Variants in CCDC85C observed in about 807,000 individuals in gnomAD.
The protein encoded by CCDC85C is coiled-coil domain containing 85C, also known as coiled-coil domain-containing protein 85C.
CCDC85C carries 18 observed loss-of-function variants against 38.3 expected under a neutral mutation model. The observed-to-expected ratio is 0.47, with a 90% CI of 0.33 to 0.70. CCDC85C has a LOEUF of 0.70. CCDC85C is among the 30% of genes least tolerant of loss of function. CCDC85C has a pLI of 0.03. For synonymous variants in CCDC85C, 264 were observed against 293.8 expected, an observed-to-expected ratio of 0.90 and a Z score of 1.04; for missense variants, 566 against 621.2, an observed-to-expected ratio of 0.91 and a Z score of 0.94.
chr14:99,523,344 G>A (rs1317542201), intron 2 of CCDC85C, among the ~76,000 whole-genome samples: 2 of 152,096 alleles, frequency 1.3e-5, no homozygotes, highest in Non-Finnish European at 2.9e-5. Flanking sequence ...ACCTGGCCCC[G>A]CACTTCTCAC....
intron 1 of CCDC85C, among the ~76,000 whole-genome samples, chr14:99,580,421 G>A (rs539512216): frequency 6.8e-6 from 1 of 146,412 alleles, no homozygotes; most frequent in East Asian, 2.1e-4. Flanking sequence ...GCAAGCAGAG[G>A]GCGGCATCTC....
Position 99,545,071 on chromosome 14 carries a change from TG to T in CCDC85C, c.794-8984del, listed in dbSNP as rs1897782182. ...GCTAGAGAAGAGGAAAACGAACGGCTGCCCTAATGAGAATGAAATCTCCTGG... is the reference window on the plus strand; with the variant it reads ...GCTAGAGAAGAGGAAAACGAACGGCTCCCTAATGAGAATGAAATCTCCTGG... On this transcript the variant is annotated intron_variant, in intron 1 of 5. Coordinates refer to ENST00000380243, the MANE Select transcript of CCDC85C (RefSeq NM_001144995.2). This position sits in a 1 kb window ranked among gnomAD's most constrained non-coding sequence, Gnocchi z 4.7. 6.6e-6 allele frequency among the ~76,000 whole-genome samples: 1 copy of T among 152,224 alleles called. No homozygotes were observed. Among genetic ancestry groups the T allele is most frequent in the Non-Finnish European group, 1.5e-5 (1 of 68,042 alleles).
chr14:99,507,023 C>G lies in CCDC85C; in HGVS notation c.*8223G>C, dbSNP rs372327731. ...CCAGTACATTTTTCTTTATGACATGCTTATTCATGTGAAGAAGTATGAGTG... is the reference window on the plus strand; with the variant it reads ...CCAGTACATTTTTCTTTATGACATGGTTATTCATGTGAAGAAGTATGAGTG... On this transcript the variant is annotated 3_prime_UTR_variant, in exon 6 of 6. Transcript: ENST00000380243. The G allele has an allele frequency of 8.6e-6, 9 of 1,042,542 alleles. No homozygotes were observed. In the African/African-American group the frequency reaches 1.4e-4, roughly 16 times the overall value. 64.6% of individuals were successfully genotyped at this position (1,042,542 alleles called of 1,614,324 possible).
chr14:99,601,269 G>T (rs1459166773), intron 1 of CCDC85C, among the ~76,000 whole-genome samples: 2 of 152,188 alleles, frequency 1.3e-5, no homozygotes, highest in Non-Finnish European at 2.9e-5. Flanking sequence ...TGCTAAGTGG[G>T]CTTGGGGGAG....
intron 2 of CCDC85C, among the ~76,000 whole-genome samples, chr14:99,531,382 C>G (rs770187458): frequency 7.2e-5 from 11 of 152,100 alleles, no homozygotes; most frequent in Non-Finnish European, 1.3e-4. Flanking sequence ...CCCAGCCCGG[C>G]TGGGCACAGA....
rs961670997 is a variant in CCDC85C at position 99,503,139 on chromosome 14, G to T, written c.*12107C>A. 1.2e-6 allele frequency: 1 copy of T among 864,966 alleles called. No homozygotes were observed. The highest frequency in any genetic ancestry group is 1.9e-6 in the Non-Finnish European group (1 of 525,990). 53.6% of individuals were successfully genotyped at this position (864,966 alleles called of 1,614,324 possible). ...CCGACTGCTTGTCGGTGGGGAGCCT[G>T]AAAACAAAGGTGCTCCAAGGACAGG... On this transcript the variant is annotated 3_prime_UTR_variant, in exon 6 of 6. Transcript: ENST00000380243.
chr14:99,507,182 C>T lies in CCDC85C; in HGVS notation c.*8064G>A, dbSNP rs756679096. On this transcript the variant is annotated 3_prime_UTR_variant, in exon 6 of 6. Coordinates refer to ENST00000380243, the MANE Select transcript of CCDC85C (RefSeq NM_001144995.2). Reference sequence around the variant, plus strand: ...TGCTGAAGCAGCTTGGCCAGCTGTGCACATCGCCTCTGAATGTTGGACGCA... The same window carrying T: ...TGCTGAAGCAGCTTGGCCAGCTGTGTACATCGCCTCTGAATGTTGGACGCA... The T allele has an allele frequency of 1.6e-6, 2 of 1,270,254 alleles. No homozygotes were observed. The highest frequency in any genetic ancestry group is 2.3e-6 in the Non-Finnish European group (2 of 867,320). The allele number at this position is 1,270,254 out of a possible 1,614,324, so 78.7% of individuals were successfully genotyped here.
chr14:99,552,955 G>T (rs1315405727), intron 1 of CCDC85C, among the ~76,000 whole-genome samples: 2 of 152,194 alleles, frequency 1.3e-5, no homozygotes, highest in African/African-American at 4.8e-5. Context: ...CAGGGACTTG[G>T]TTACCCCAGG....
At chr14:99,527,028 A>G (rs1339608318) in intron 2 of CCDC85C, among the ~76,000 whole-genome samples, 1 of 152,082 alleles carries the variant, frequency 6.6e-6, no homozygotes, top group African/African-American at 2.4e-5. Context: ...GGGAGGATGC[A>G]GGACAGGGCA....
In CCDC85C at chr14:99,504,531, A is replaced by G. The variant is rs1226558005; in HGVS notation, c.*10715T>C. On this transcript the variant is annotated 3_prime_UTR_variant, in exon 6 of 6. Transcript: ENST00000380243. ...AGCGGTGCAATCTTAACTCACCACA[A>G]CCTCCGCCTCCTGGGTTCAAGCAAT... 1 of 150,188 alleles carries G rather than the reference A, an allele frequency of 6.7e-6. No homozygotes were observed. The highest frequency in any genetic ancestry group is 1.5e-5 in the Non-Finnish European group (1 of 67,686). 9.3% of individuals were successfully genotyped at this position (150,188 alleles called of 1,614,324 possible).
chr14:99,583,973 C>A (rs928561896), intron 1 of CCDC85C, among the ~76,000 whole-genome samples: 5 of 151,930 alleles, frequency 3.3e-5, no homozygotes, highest in African/African-American at 1.2e-4. Flanking sequence ...CCTGGCTTTG[C>A]TAATGTGCTC....
chr14:99,581,477 A>G (rs946083379), intron 1 of CCDC85C, among the ~76,000 whole-genome samples: 1 of 152,110 alleles, frequency 6.6e-6, no homozygotes, highest in Non-Finnish European at 1.5e-5. Flanking sequence ...CCCCCCACCC[A>G]TGGTCACTCA....
rs375335734 is a variant in CCDC85C, at chr14:99,600,313, C to G, written c.793+2854G>C. The stretch of plus-strand genomic sequence containing the variant: ...CTGTCCATCTTACAGAAGAGGAGCA[C>G]AGAGAGGCTTGGCCAGTTAATAACT... On this transcript the variant is annotated intron_variant, in intron 1 of 5. Coordinates refer to ENST00000380243, the MANE Select transcript of CCDC85C (RefSeq NM_001144995.2). Among the ~76,000 whole-genome samples, 6 of 152,298 alleles carry G rather than the reference C, an allele frequency of 3.9e-5. No homozygotes were observed. The South Asian group carries it at 6.2e-4, about 16-fold the overall frequency.
rs1416720066 is a variant in CCDC85C at position 99,520,720 on chromosome 14, C to T, written c.975+1413G>A. On this transcript the variant is annotated intron_variant, in intron 3 of 5. Coordinates refer to ENST00000380243, the MANE Select transcript of CCDC85C (RefSeq NM_001144995.2). This position sits in a 1 kb window ranked among gnomAD's most constrained non-coding sequence, Gnocchi z 4.1. ...CGCTGGCCCCTGACCTCTAGGCACACACAGGCACCAGGACGCACTCACCAT... is the reference window on the plus strand; with the variant it reads ...CGCTGGCCCCTGACCTCTAGGCACATACAGGCACCAGGACGCACTCACCAT... Among the ~76,000 whole-genome samples, 7 of 152,182 alleles carry T rather than the reference C, an allele frequency of 4.6e-5. No homozygotes were observed. The highest frequency in any genetic ancestry group is 2.1e-4 in the South Asian group (1 of 4,830).
chr14:99,537,501 A>C (rs1266037652), intron 1 of CCDC85C, among the ~76,000 whole-genome samples: 1 of 152,144 alleles, frequency 6.6e-6, no homozygotes, highest in East Asian at 1.9e-4. Flanking sequence ...CCTAGGGCCC[A>C]GCAGAGCCAC....
intron 1 of CCDC85C, among the ~76,000 whole-genome samples, chr14:99,551,664 A>T (rs1234259266): frequency 7.1e-6 from 1 of 140,636 alleles, no homozygotes; most frequent in Non-Finnish European, 1.5e-5. Flanking sequence ...GGTGGGTGAG[A>T]GGTGGGTGTG....
chr14:99,565,727 C>A (rs1898203479), intron 1 of CCDC85C, among the ~76,000 whole-genome samples: 1 of 152,204 alleles, frequency 6.6e-6, no homozygotes, highest in Non-Finnish European at 1.5e-5. Context: ...CCTAATAACT[C>A]ATTGTCTGGC....
At chr14:99,560,991 G>T (rs548675419) in intron 1 of CCDC85C, among the ~76,000 whole-genome samples, 1 of 152,218 alleles carries the variant, frequency 6.6e-6, no homozygotes, top group Non-Finnish European at 1.5e-5. Flanking sequence ...AGCCTGGGCC[G>T]GGCCACAGGA....
Position 99,502,050 on chromosome 14 carries a change from T to C in CCDC85C, c.*13196A>G, listed in dbSNP as rs368963004. 1 of 777,328 alleles carries C rather than the reference T, an allele frequency of 1.3e-6. No individual in the cohort carries two copies. Among genetic ancestry groups the C allele is most frequent in the African/African-American group, 1.9e-5 (1 of 52,190 alleles). 48.2% of individuals were successfully genotyped at this position (777,328 alleles called of 1,614,324 possible). A position where few individuals can be genotyped will look rare whatever the true frequency, so the allele number is the denominator to read the frequency against. The stretch of plus-strand genomic sequence containing the variant: ...TTAAAGTAACTTAGTCGGGTACCTT[T>C]AGAAGAGTAAAGACTTGAGTTTATT... On this transcript the variant is annotated 3_prime_UTR_variant, in exon 6 of 6. Coordinates refer to ENST00000380243, the MANE Select transcript of CCDC85C (RefSeq NM_001144995.2).
Sources: allele counts gnomAD v4.1 joint callset (sites outside exome capture counted in the v4.1 genomes callset), GRCh38; gene constraint gnomAD v4.1.1; non-coding constraint Gnocchi (gnomAD v3.1); transcripts MANE v1.5; gene names NCBI Gene and HGNC (gene_info 2026-07-23, HGNC 2026-07-21).